Variants in COL4A1 observed in about 807,000 individuals in gnomAD.
COL4A1 encodes the protein collagen type IV alpha 1 chain.
Under a neutral mutation model 216.6 loss-of-function variants are expected in COL4A1, and 40 were observed. The observed-to-expected ratio is 0.18, with a 90% CI of 0.14 to 0.24. COL4A1 has a LOEUF of 0.24. Among genes scored for constraint, COL4A1 ranks in the 10% least tolerant of loss-of-function variants. The pLI is 1.00. For synonymous variants in COL4A1, 839 were observed against 810.7 expected (o/e 1.03, Z -0.59); for missense variants, 1,628 against 2,196.8 (o/e 0.74, Z 5.18).
chr13:110,293,795 C>T lies in COL4A1; in HGVS notation c.84+13149G>A, dbSNP rs545520155. On this transcript the variant is annotated intron_variant, in intron 1 of 51. Transcript: ENST00000375820. ...ATTATACCCTTTCCCTTATTAACAG[C>T]GTGTCACTGTTGCAGGATAATGTGG... is the stretch of plus-strand genomic sequence containing the variant. Among the ~76,000 whole-genome samples the T allele has an allele frequency of 7.2e-4, 110 of 152,308 alleles. 1 individual carries two copies. The highest frequency in any genetic ancestry group is 2.5e-3 in the African/African-American group (105 of 41,570).
At chr13:110,241,486 T>G (rs1243056218) in intron 2 of COL4A1, among the ~76,000 whole-genome samples, 4 of 152,196 alleles carry the variant, frequency 2.6e-5, no homozygotes, top group African/African-American at 9.6e-5. Flanking sequence ...TCAAGTTAGG[T>G]TTTTAACAAA....
intron 1 of COL4A1, among the ~76,000 whole-genome samples, chr13:110,278,541 T>TTA (rs141897936): frequency 5.5e-4 from 83 of 152,058 alleles, no homozygotes; most frequent in African/African-American, 3.1e-4. Context: ...CTTCTAATCA[T>TTA]TATATATATA....
In COL4A1 at chr13:110,268,054, G is replaced by C. The variant is rs1264923691; in HGVS notation, c.85-25320C>G. ...GAAAAAAGAAACTCTCTGGAAAGCA[G>C]TGGTCACAAAGCTCATGACATTTGA... On this transcript the variant is annotated intron_variant, in intron 1 of 51. Coordinates refer to ENST00000375820, the MANE Select transcript of COL4A1 (RefSeq NM_001845.6). The surrounding 1 kb of genome is among the most constrained non-coding windows in gnomAD (Gnocchi z 4.1). Among the ~76,000 whole-genome samples, 1 of 152,142 alleles carries C rather than the reference G, an allele frequency of 6.6e-6. No individual in the cohort carries two copies. The highest frequency in any genetic ancestry group is 1.5e-5 in the Non-Finnish European group (1 of 68,026).
chr13:110,187,092 G>A, intron 25 of COL4A1, 46 bp downstream of exon 25: 1 of 1,602,874 alleles, frequency 6.2e-7, no homozygotes, highest in Non-Finnish European at 8.5e-7. Context: ...ATGCTTTGCA[G>A]ATCCACACTG....
intron 1 of COL4A1, among the ~76,000 whole-genome samples, chr13:110,251,814 C>T (rs1211719339): frequency 6.6e-6 from 1 of 152,228 alleles, no homozygotes; most frequent in East Asian, 1.9e-4. Context: ...CTTGGCCGCA[C>T]AGCCTGAGAG....
intron 1 of COL4A1, among the ~76,000 whole-genome samples, chr13:110,256,360 G>A (rs1402222521): frequency 2.0e-5 from 3 of 152,200 alleles, no homozygotes; most frequent in African/African-American, 4.8e-5. Flanking sequence ...GGTTTTGGAC[G>A]AGGATGATAC....
chr13:110,301,663 G>A (rs1347619953), intron 1 of COL4A1, among the ~76,000 whole-genome samples: 6 of 152,322 alleles, frequency 3.9e-5, no homozygotes, highest in East Asian at 1.9e-4. Context: ...GGCAGGCTGC[G>A]AACTGTTTCA....
At chr13:110,171,464 T>G (rs1260168358) in intron 41 of COL4A1, among the ~76,000 whole-genome samples, 2 of 152,188 alleles carry the variant, frequency 1.3e-5, no homozygotes, top group African/African-American at 4.8e-5. Context: ...TTATGACCTG[T>G]CAGTGAAACT....
intron 17 of COL4A1, among the ~76,000 whole-genome samples, chr13:110,205,116 AT>A (rs1879429380): frequency 6.6e-6 from 1 of 152,244 alleles, no homozygotes; most frequent in South Asian, 2.1e-4. Flanking sequence ...CAGGAAAAAA[AT>A]AATCTACTAC....
In COL4A1 at chr13:110,192,272, T is replaced by C. The variant is rs1464681396; in HGVS notation, c.1478A>G (p.Gln493Arg). 6.2e-7 allele frequency: 1 copy of C among 1,614,192 alleles called. No individual in the cohort carries two copies. The highest frequency in any genetic ancestry group is 1.7e-5 in the Admixed American group (1 of 60,020). Residue 493 changes from glutamine (Q) to arginine (R), a missense_variant, in exon 24 of 52, where the codon CAG (glutamine) becomes CGG (arginine). This residue lies in a region of COL4A1 where 701 missense variants were observed against 892.5 expected (regional missense o/e 0.79). Coordinates refer to ENST00000375820, the MANE Select transcript of COL4A1 (RefSeq NM_001845.6). ...GPPGEIGFPG[Q>R]PGAKGDRGLP... ...ACCTCTGTCGCCCTTGGCCCCTGGC[T>C]GCCCTGGGAAACCTTTCGTGAGAGA...
At chr13:110,206,528 A>G in intron 15 of COL4A1, 137 bp downstream of exon 15, 2 of 994,240 alleles carry the variant, frequency 2.0e-6, no homozygotes, top group Non-Finnish European at 1.6e-6. Flanking sequence ...AGAGTCTCGG[A>G]AAAGCCCTTC....
intron 50 of COL4A1, among the ~76,000 whole-genome samples, chr13:110,153,497 T>A (rs528069956): frequency 1.3e-5 from 2 of 152,358 alleles, no homozygotes; most frequent in East Asian, 3.9e-4. Context: ...TCAATGCAAC[T>A]GTGGGCTTTC....
chr13:110,290,269 A>G (rs1339230224), intron 1 of COL4A1, among the ~76,000 whole-genome samples: 1 of 152,232 alleles, frequency 6.6e-6, no homozygotes. Flanking sequence ...TTGCAAGCTA[A>G]CAAGCGCTCG....
intron 1 of COL4A1, among the ~76,000 whole-genome samples, chr13:110,292,860 A>G (rs917954871): frequency 1.1e-4 from 17 of 152,244 alleles, no homozygotes; most frequent in Non-Finnish European, 1.9e-4. Context: ...GTAAAGGGTC[A>G]GGAGAAACAG....
chr13:110,182,963 C>T (rs774281444), intron 28 of COL4A1, 30 bp downstream of exon 28: 1 of 1,595,146 alleles, frequency 6.3e-7, no homozygotes, highest in Admixed American at 1.7e-5. Context: ...ACAGGTGGAC[C>T]AAAGGCTCGG....
At chr13:110,171,072 C>G (rs1877622045) in intron 41 of COL4A1, among the ~76,000 whole-genome samples, 1 of 152,240 alleles carries the variant, frequency 6.6e-6, no homozygotes, top group Non-Finnish European at 1.5e-5. Context: ...GAAAGCCTCA[C>G]TCCATCAGCA....
At chr13:110,225,802 C>A (rs1025455740) in intron 2 of COL4A1, among the ~76,000 whole-genome samples, 1 of 152,170 alleles carries the variant, frequency 6.6e-6, no homozygotes, top group African/African-American at 2.4e-5. Context: ...GGGCAAAGAA[C>A]CTAAGCCTGG....
intron 1 of COL4A1, among the ~76,000 whole-genome samples, chr13:110,243,172 C>T (rs569107819): frequency 3.9e-4 from 57 of 144,632 alleles, no homozygotes; most frequent in Non-Finnish European, 7.4e-4. Context: ...CTCAAGGACA[C>T]ACGGCCGCGC....
rs1216482107 is a variant in COL4A1 at position 110,174,430 on chromosome 13, A to G, written c.3406+16T>C. 4.3e-6 allele frequency: 7 copies of G among 1,613,164 alleles called. No individual in the cohort carries two copies. Among genetic ancestry groups the G allele is most frequent in the Non-Finnish European group, 5.9e-6 (7 of 1,179,942 alleles). On this transcript the variant is annotated intron_variant, in intron 39 of 51. Transcript: ENST00000375820. ...TCTCTATGTGCCCGGGCTGTGTCCC[A>G]AAGAGGGCCCTCTACCTGCTTCTCC... is the stretch of plus-strand genomic sequence containing the variant.
Sources: allele counts gnomAD v4.1 joint callset (sites outside exome capture counted in the v4.1 genomes callset), GRCh38; gene constraint gnomAD v4.1.1; regional missense constraint gnomAD v4.1.1; non-coding constraint Gnocchi (gnomAD v3.1); transcripts MANE v1.5; gene names NCBI Gene and HGNC (gene_info 2026-07-23, HGNC 2026-07-21).